Variants in THSD7B observed in about 807,000 individuals in gnomAD.
THSD7B encodes thrombospondin type 1 domain containing 7B.
In THSD7B, 138 loss-of-function variants were observed where a neutral mutation model predicts 213.6. That is an observed-to-expected ratio of 0.65 (90% CI 0.56 to 0.74). The LOEUF (loss-of-function observed/expected upper bound fraction) is 0.74. Ranked by LOEUF, THSD7B falls within the 30% of genes least tolerant of loss-of-function variation. The probability of loss-of-function intolerance (pLI) is 0.00; values close to 1 mark genes in which losing one functional copy is unlikely to be tolerated. For synonymous variants in THSD7B, 742 were observed against 687.0 expected, an observed-to-expected ratio of 1.08 and a Z score of -1.25; for missense variants, 1,931 against 1,991.5, an observed-to-expected ratio of 0.97 and a Z score of 0.58.
rs563370175 is a variant in THSD7B at position 137,411,176 on chromosome 2, C to T, written c.2696-433C>T. Among the ~76,000 whole-genome samples the T allele has an allele frequency of 2.4e-3, 367 of 152,332 alleles. 1 individual carries two copies. The highest frequency in any genetic ancestry group is 8.4e-3 in the African/African-American group (348 of 41,570). On this transcript the variant is annotated intron_variant, in intron 13 of 27. Coordinates refer to ENST00000409968, the MANE Select transcript of THSD7B (RefSeq NM_001316349.2). ...GAGACCAAAATGAGTTTAACTTTGT[C>T]CATCACATTGCAAGAGACCTCTACT...
chr2:136,962,082 G>A (rs962864394), intron 2 of THSD7B, among the ~76,000 whole-genome samples: 2 of 152,186 alleles, frequency 1.3e-5, no homozygotes, highest in Admixed American at 1.3e-4. Flanking sequence ...GAAGAGGGAG[G>A]CAGAACAAGA....
At chr2:137,644,411 TC>T (rs1175031952) in intron 21 of THSD7B, among the ~76,000 whole-genome samples, 1 of 152,310 alleles carries the variant, frequency 6.6e-6, no homozygotes, top group East Asian at 1.9e-4. Context: ...CAGAAGCTCT[TC>T]ATTGCCACAT....
intron 8 of THSD7B, 81 bp from the exon 9 acceptor site, chr2:137,232,818 T>G: frequency 7.5e-7 from 1 of 1,334,506 alleles, no homozygotes; most frequent in Non-Finnish European, 1.0e-6. Flanking sequence ...AAGCTGTCTC[T>G]CTAGACCATT....
At chr2:137,309,657 AC>A (rs1206819875) in intron 12 of THSD7B, among the ~76,000 whole-genome samples, 2 of 150,812 alleles carry the variant, frequency 1.3e-5, no homozygotes, top group Non-Finnish European at 3.0e-5. Flanking sequence ...CCCTACCCCT[AC>A]CCCCACCCCA....
At chr2:137,045,738 G>T (rs1404910955) in intron 2 of THSD7B, among the ~76,000 whole-genome samples, 1 of 152,130 alleles carries the variant, frequency 6.6e-6, no homozygotes, top group Non-Finnish European at 1.5e-5. Context: ...AAGATCAAGG[G>T]TTTTTCTGTA....
intron 12 of THSD7B, among the ~76,000 whole-genome samples, chr2:137,357,384 A>C (rs1472446313): frequency 6.6e-6 from 1 of 152,068 alleles, no homozygotes; most frequent in African/African-American, 2.4e-5. Context: ...ATTTGGGGAA[A>C]AATAATATGT....
At chr2:137,138,557 AG>A (rs1184796556) in intron 5 of THSD7B, among the ~76,000 whole-genome samples, 1 of 152,146 alleles carries the variant, frequency 6.6e-6, no homozygotes, top group Non-Finnish European at 1.5e-5. Context: ...ATCATTATAG[AG>A]GGTTGTGATG....
chr2:137,415,191 T>C (rs1342085166), intron 14 of THSD7B, among the ~76,000 whole-genome samples: 3 of 152,196 alleles, frequency 2.0e-5, no homozygotes, highest in Non-Finnish European at 2.9e-5. Context: ...ATTTGCATTT[T>C]AGACATGAGC....
At chr2:137,337,412 G>T (rs890372668) in intron 12 of THSD7B, among the ~76,000 whole-genome samples, 6 of 152,140 alleles carry the variant, frequency 3.9e-5, no homozygotes, top group African/African-American at 9.6e-5. Flanking sequence ...ATTAGATTGA[G>T]GTTACACTTT....
At chr2:136,910,125 T>C (rs1051746944) in intron 2 of THSD7B, among the ~76,000 whole-genome samples, 1 of 152,100 alleles carries the variant, frequency 6.6e-6, no homozygotes, top group South Asian at 2.1e-4. Flanking sequence ...TCCAATAGTG[T>C]GTCCTCAGTC....
At chr2:136,846,760 C>T (rs1292921598) in intron 1 of THSD7B, among the ~76,000 whole-genome samples, 4 of 152,078 alleles carry the variant, frequency 2.6e-5, no homozygotes, top group Non-Finnish European at 4.4e-5. Context: ...CCCACTGAAG[C>T]ACTGTATGGG....
At chr2:137,429,424 G>A (rs1418185787) in intron 14 of THSD7B, among the ~76,000 whole-genome samples, 2 of 152,114 alleles carry the variant, frequency 1.3e-5, no homozygotes, top group African/African-American at 2.4e-5. Context: ...ATCTGTGTAT[G>A]TATATACACG....
chr2:137,132,411 G>A (rs1000786242), intron 5 of THSD7B, among the ~76,000 whole-genome samples: 1 of 151,708 alleles, frequency 6.6e-6, no homozygotes, highest in Non-Finnish European at 1.5e-5. Context: ...TTGATTTCGG[G>A]AATGTTTATT....
At chr2:136,997,428 A>G (rs1426386198) in intron 2 of THSD7B, among the ~76,000 whole-genome samples, 1 of 152,228 alleles carries the variant, frequency 6.6e-6, no homozygotes, top group African/African-American at 2.4e-5. Flanking sequence ...TTGATTTTGT[A>G]TGGATACTGT....
At chr2:137,076,882 A>G (rs1306495258) in intron 3 of THSD7B, among the ~76,000 whole-genome samples, 2 of 151,976 alleles carry the variant, frequency 1.3e-5, no homozygotes, top group Non-Finnish European at 2.9e-5. Context: ...TGTGCATATT[A>G]GTTACATATG....
At chr2:137,675,445 T>TATATATATATGC (rs1199450259) in intron 27 of THSD7B, among the ~76,000 whole-genome samples, 29 of 114,456 alleles carry the variant, frequency 2.5e-4, no homozygotes, top group African/African-American at 1.0e-3. Context: ...TATATATATA[T>TATATATATATGC]ATGCGGACAG....
At chr2:137,124,192 A>G (rs1688594492) in intron 5 of THSD7B, among the ~76,000 whole-genome samples, 1 of 152,118 alleles carries the variant, frequency 6.6e-6, no homozygotes, top group Non-Finnish European at 1.5e-5. Flanking sequence ...GCTCATCTTC[A>G]TTTTGTCAGC....
chr2:137,442,951 G>C (rs914308423), intron 14 of THSD7B, among the ~76,000 whole-genome samples: 14 of 152,212 alleles, frequency 9.2e-5, no homozygotes, highest in Admixed American at 7.9e-4. Flanking sequence ...TTAAATCTGT[G>C]TGTCTTTATT....
chr2:137,656,873 G>A lies in THSD7B; in HGVS notation c.4183G>A (p.Val1395Met). 3 of 1,614,002 alleles carry A rather than the reference G, an allele frequency of 1.9e-6. No homozygotes were observed. Residue 1395 changes from valine to methionine, a missense_variant, in exon 23 of 28, where the codon GTG becomes ATG. Val to Met is a conservative substitution (Grantham distance 21). Coordinates refer to ENST00000409968, the MANE Select transcript of THSD7B (RefSeq NM_001316349.2). ...CATTGATGGAAGAAGCTTTGAGACT[G>A]TGGGCCGCCAGTCTAGATCAAGGAC... is the stretch of plus-strand genomic sequence containing the variant. The part of the protein sequence containing the change: ...TCIDGRSFET[V>M]GRQSRSRTFI...
Sources: gnomAD v4.1 joint callset for allele counts (sites outside exome capture counted in the v4.1 genomes callset) on GRCh38, gnomAD v4.1.1 for gene constraint, MANE v1.5 for transcripts, NCBI Gene and HGNC (gene_info 2026-07-23, HGNC 2026-07-21) for gene names.